KIRREL3: variants seen among roughly 807,000 people sequenced by gnomAD.
KIRREL3 encodes the protein kin of IRRE-like protein 3.
A neutral mutation model predicts 89.7 loss-of-function variants in KIRREL3; 36 were observed. The observed-to-expected ratio is 0.40, with a 90% confidence interval of 0.31 to 0.53. The LOEUF (loss-of-function observed/expected upper bound fraction) is 0.53, where lower values mean the gene tolerates loss of function less well. KIRREL3 is among the 20% of genes least tolerant of loss of function. The pLI is 0.49. For missense variants in KIRREL3, 864 were observed against 1,056.6 expected, an observed-to-expected ratio of 0.82 and a Z score of 2.53; for synonymous variants, 445 against 441.4, an observed-to-expected ratio of 1.01 and a Z score of -0.10.
chr11:126,426,931 A>G (rs1954962505), intron 15 of KIRREL3, among the ~76,000 whole-genome samples: 1 of 152,098 alleles, frequency 6.6e-6, no homozygotes, highest in Non-Finnish European at 1.5e-5. Flanking sequence ...CTTCTTGCAG[A>G]TGGGGCTGTC....
chr11:126,548,720 T>G lies in KIRREL3; in HGVS notation c.133+14115A>C, dbSNP rs562227615. 2.2e-4 allele frequency among the ~76,000 whole-genome samples: 34 copies of G among 152,336 alleles called. 1 individual carries two copies. Among genetic ancestry groups the G allele is most frequent in the African/African-American group, 6.3e-4 (26 of 41,584 alleles). On this transcript the variant is annotated intron_variant, in intron 2 of 16. Transcript: ENST00000525144. ...AGGTAAGATAAGGGCATCCTCCAGG[T>G]GTCATTCATCTCTGCGTACACAGTG...
intron 11 of KIRREL3, among the ~76,000 whole-genome samples, chr11:126,437,695 AACAC>A (rs957798903): frequency 6.6e-6 from 1 of 152,128 alleles, no homozygotes; most frequent in African/African-American, 2.4e-5. Context: ...ATCTACACGC[AACAC>A]ACAGCCACTC....
In KIRREL3 at chr11:126,995,011, C is replaced by G. The variant is rs1198986340; in HGVS notation, c.55+5444G>C. On this transcript the variant is annotated intron_variant, in intron 1 of 16. Transcript: ENST00000525144. This position sits in a 1 kb window ranked among gnomAD's most constrained non-coding sequence, Gnocchi z 6.5. ...AATGACGTATGGAACAGTACTGTGT[C>G]TCGGTGCAGTCGATTCTCACATCAT... 5.5e-6 allele frequency: 2 copies of G among 364,192 alleles called. No individual in the cohort carries two copies. Among genetic ancestry groups the G allele is most frequent in the Non-Finnish European group, 5.4e-6 (1 of 184,754 alleles). 22.6% of individuals were successfully genotyped at this position (364,192 alleles called of 1,614,324 possible).
intron 1 of KIRREL3, among the ~76,000 whole-genome samples, chr11:126,726,438 G>A (rs1331497230): frequency 6.6e-6 from 1 of 152,066 alleles, no homozygotes; most frequent in Admixed American, 6.5e-5. Flanking sequence ...CATGACCTTG[G>A]CTCACTGCAA....
In KIRREL3 at chr11:126,708,516, G is replaced by A. The variant is rs1157129232; in HGVS notation, c.56-145604C>T. Among the ~76,000 whole-genome samples the A allele has an allele frequency of 6.6e-6, 1 of 152,172 alleles. No homozygotes were observed. Among genetic ancestry groups the A allele is most frequent in the Non-Finnish European group, 1.5e-5 (1 of 68,026 alleles). ...TGGCCCAGGATACACAAGACCAGGAGTCATCACCATCAGTAACAGTAACAA... is the reference window on the plus strand; with the variant it reads ...TGGCCCAGGATACACAAGACCAGGAATCATCACCATCAGTAACAGTAACAA... On this transcript the variant is annotated intron_variant, in intron 1 of 16. Transcript: ENST00000525144. This position sits in a 1 kb window ranked among gnomAD's most constrained non-coding sequence, Gnocchi z 5.7.
Position 126,791,183 on chromosome 11 carries a change from A to C in KIRREL3, c.55+209272T>G, listed in dbSNP as rs1192744936. Among the ~76,000 whole-genome samples, 4 of 152,200 alleles carry C rather than the reference A, an allele frequency of 2.6e-5. No homozygotes were observed. Among genetic ancestry groups the C allele is most frequent in the African/African-American group, 9.7e-5 (4 of 41,450 alleles). ...CGCTGCCTGGCTGCTTCAGAAGAAAAGTCTGTGTTTAGGAAACCTCTTATT... is the reference window on the plus strand; with the variant it reads ...CGCTGCCTGGCTGCTTCAGAAGAAACGTCTGTGTTTAGGAAACCTCTTATT... On this transcript the variant is annotated intron_variant, in intron 1 of 16. Coordinates refer to ENST00000525144, the MANE Select transcript of KIRREL3 (RefSeq NM_032531.4). This position sits in a 1 kb window ranked among gnomAD's most constrained non-coding sequence, Gnocchi z 4.8.
intron 1 of KIRREL3, among the ~76,000 whole-genome samples, chr11:126,673,045 T>C (rs1946028648): frequency 6.6e-6 from 1 of 152,162 alleles, no homozygotes; most frequent in Non-Finnish European, 1.5e-5. Context: ...AAGACAGAAA[T>C]GGTCCCCCAG....
In KIRREL3 at chr11:126,898,908, A is replaced by G. The variant is rs1306435694; in HGVS notation, c.55+101547T>C. Among the ~76,000 whole-genome samples, 1 of 152,012 alleles carries G rather than the reference A, an allele frequency of 6.6e-6. No individual in the cohort carries two copies. Among genetic ancestry groups the G allele is most frequent in the African/African-American group, 2.4e-5 (1 of 41,346 alleles). Reference sequence around the variant, plus strand: ...TTAAGTGGTGATTTTGATGGCTACAATCCAGGCCCCCTTTCCCAACTGTCC... The same window carrying G: ...TTAAGTGGTGATTTTGATGGCTACAGTCCAGGCCCCCTTTCCCAACTGTCC... On this transcript the variant is annotated intron_variant, in intron 1 of 16. Transcript: ENST00000525144. This position sits in a 1 kb window ranked among gnomAD's most constrained non-coding sequence, Gnocchi z 4.9.
chr11:126,473,301 G>T lies in KIRREL3; in HGVS notation c.591+8C>A. The T allele has an allele frequency of 2.3e-6, 1 of 434,376 alleles. No homozygotes were observed. The allele number at this position is 434,376 out of a possible 1,614,324, so 26.9% of individuals were successfully genotyped here. Reference sequence around the variant, plus strand: ...GTCCACACCCACCCCCTCCCCTCCAGGCCTCACCTTGGAGTAGGTGGCCCC... The same window carrying T: ...GTCCACACCCACCCCCTCCCCTCCATGCCTCACCTTGGAGTAGGTGGCCCC... On this transcript the variant is annotated splice_region_variant and intron_variant, in intron 5 of 16. Coordinates refer to ENST00000525144, the MANE Select transcript of KIRREL3 (RefSeq NM_032531.4).
rs980470837 is a variant in KIRREL3 at position 126,553,744 on chromosome 11, G to A, written c.133+9091C>T. 8.5e-5 allele frequency among the ~76,000 whole-genome samples: 13 copies of A among 152,166 alleles called. No homozygotes were observed. Among genetic ancestry groups the A allele is most frequent in the African/African-American group, 3.1e-4 (13 of 41,446 alleles). On this transcript the variant is annotated intron_variant, in intron 2 of 16. Coordinates refer to ENST00000525144, the MANE Select transcript of KIRREL3 (RefSeq NM_032531.4). This position sits in a 1 kb window ranked among gnomAD's most constrained non-coding sequence, Gnocchi z 4.7. ...ACATGGGCATCCCATTAAAAGGCCAGGTTTCCATTGCCCTTCTGCCTGGCC... is the reference window on the plus strand; with the variant it reads ...ACATGGGCATCCCATTAAAAGGCCAAGTTTCCATTGCCCTTCTGCCTGGCC...
Position 126,652,117 on chromosome 11 carries a change from C to G in KIRREL3, c.56-89205G>C, listed in dbSNP as rs889923415. The stretch of plus-strand genomic sequence containing the variant: ...ATAGGCACTAGTAGGTCTGATCTGT[C>G]TGGAGGATTCCTTTAAAAAAACCCA... On this transcript the variant is annotated intron_variant, in intron 1 of 16. Transcript: ENST00000525144. The surrounding 1 kb of genome is among the most constrained non-coding windows in gnomAD (Gnocchi z 4.9). Among the ~76,000 whole-genome samples the G allele has an allele frequency of 6.6e-6, 1 of 152,170 alleles. No homozygotes were observed. The highest frequency in any genetic ancestry group is 1.5e-5 in the Non-Finnish European group (1 of 68,046).
chr11:126,949,519 C>T (rs905882196), intron 1 of KIRREL3, among the ~76,000 whole-genome samples: 14 of 152,198 alleles, frequency 9.2e-5, no homozygotes, highest in African/African-American at 1.9e-4. Flanking sequence ...CCTGGAAGCA[C>T]GACAGGCTGC....
intron 1 of KIRREL3, among the ~76,000 whole-genome samples, chr11:126,626,525 C>T (rs982398897): frequency 1.3e-5 from 2 of 152,120 alleles, no homozygotes; most frequent in Non-Finnish European, 2.9e-5. Context: ...AGTAGCTGGA[C>T]AGTAGGGGGT....
At chr11:126,911,158 G>A (rs761041219) in intron 1 of KIRREL3, among the ~76,000 whole-genome samples, 1 of 152,138 alleles carries the variant, frequency 6.6e-6, no homozygotes, top group Non-Finnish European at 1.5e-5. Flanking sequence ...TGGTGCTGGT[G>A]ATGACAATGA....
In KIRREL3 at chr11:126,843,439, G is replaced by A. The variant is rs1944030289; in HGVS notation, c.55+157016C>T. Among the ~76,000 whole-genome samples, 1 of 152,070 alleles carries A rather than the reference G, an allele frequency of 6.6e-6. No individual in the cohort carries two copies. The highest frequency in any genetic ancestry group is 1.9e-4 in the East Asian group (1 of 5,172). ...CACTCACTCTGCCGTATATCCTACT[G>A]GGGAGAAACTCCATTCCCAAAGTCC... On this transcript the variant is annotated intron_variant, in intron 1 of 16. Coordinates refer to ENST00000525144, the MANE Select transcript of KIRREL3 (RefSeq NM_032531.4). This position sits in a 1 kb window ranked among gnomAD's most constrained non-coding sequence, Gnocchi z 4.6.
chr11:126,526,877 G>C lies in KIRREL3; in HGVS notation c.134-190C>G, dbSNP rs1386086146. ...CCCCAGCTCTATTCCCTCCTATGGG[G>C]GCCTGGCTCCCAGCTCCAGCCCCTC... On this transcript the variant is annotated intron_variant, in intron 2 of 16. Transcript: ENST00000525144. This position sits in a 1 kb window ranked among gnomAD's most constrained non-coding sequence, Gnocchi z 5.7. Among the ~76,000 whole-genome samples, 1 of 152,150 alleles carries C rather than the reference G, an allele frequency of 6.6e-6. No homozygotes were observed. The highest frequency in any genetic ancestry group is 1.5e-5 in the Non-Finnish European group (1 of 68,026).
rs1053637755 is a variant in KIRREL3 at position 126,440,519 on chromosome 11, T to C, written c.1283A>G (p.Gln428Arg). 3 of 1,601,736 alleles carry C rather than the reference T, an allele frequency of 1.9e-6. No homozygotes were observed. Reference sequence around the variant, plus strand: ...GCCCTTCTCGCCGTGGAGGGCGTGCTGGGTCTGGGTGCTGGAGATGATGGG... The same window carrying C: ...GCCCTTCTCGCCGTGGAGGGCGTGCCGGGTCTGGGTGCTGGAGATGATGGG... ...GPPIISSTQT[Q>R]HALHGEKGQI... The change falls in exon 11 of 17, where the codon CAG becomes CGG. Residue 428 changes from glutamine to arginine, a missense_variant. Gln to Arg is a conservative substitution (Grantham distance 43, BLOSUM62 1). Transcript: ENST00000525144.
intron 1 of KIRREL3, among the ~76,000 whole-genome samples, chr11:126,866,285 C>T (rs1944916288): frequency 6.6e-6 from 1 of 152,224 alleles, no homozygotes; most frequent in Non-Finnish European, 1.5e-5. Context: ...TGCTGCTTCC[C>T]TTTCCACCTG....
At chr11:126,861,757 T>G (rs1944713398) in intron 1 of KIRREL3, among the ~76,000 whole-genome samples, 1 of 152,354 alleles carries the variant, frequency 6.6e-6, no homozygotes, top group East Asian at 1.9e-4. Context: ...ATTTAGCTGT[T>G]ATGAATTCTC....
Sources: gnomAD v4.1 joint callset for allele counts (sites outside exome capture counted in the v4.1 genomes callset) on GRCh38, gnomAD v4.1.1 for gene constraint, Gnocchi (gnomAD v3.1) non-coding constraint, MANE v1.5 for transcripts, NCBI Gene and HGNC (gene_info 2026-07-23, HGNC 2026-07-21) for gene names.